NKAIN2: variants seen among roughly 807,000 people sequenced by gnomAD.
NKAIN2 encodes sodium/potassium transporting ATPase interacting 2.
Under a neutral mutation model 32.6 loss-of-function variants are expected in NKAIN2, and 14 were observed. The observed-to-expected ratio is 0.43, with a 90% CI of 0.28 to 0.67. NKAIN2 has a LOEUF of 0.67. NKAIN2 is among the 30% of genes least tolerant of loss of function. The pLI is 0.17. For missense variants in NKAIN2, 198 were observed against 258.3 expected, an observed-to-expected ratio of 0.77 and a Z score of 1.60; for synonymous variants, 80 against 87.2, an observed-to-expected ratio of 0.92 and a Z score of 0.46.
intron 1 of NKAIN2, among the ~76,000 whole-genome samples, chr6:124,142,300 T>A (rs1433130215): frequency 6.6e-6 from 1 of 152,190 alleles, no homozygotes; most frequent in East Asian, 1.9e-4. Flanking sequence ...TGAATTCCTT[T>A]CGACTCCACA....
intron 1 of NKAIN2, among the ~76,000 whole-genome samples, chr6:124,077,231 G>A (rs758700253): frequency 1.1e-4 from 16 of 152,308 alleles, no homozygotes; most frequent in Non-Finnish European, 1.5e-4. Context: ...AAGCATGCAC[G>A]TGAACCACTC....
At chr6:124,276,611 G>A (rs1012461939) in intron 1 of NKAIN2, among the ~76,000 whole-genome samples, 1 of 151,910 alleles carries the variant, frequency 6.6e-6, no homozygotes, top group Non-Finnish European at 1.5e-5. Flanking sequence ...TGTCCACTAC[G>A]AACAACACAG....
At chr6:124,029,105 G>A (rs1016826990) in intron 1 of NKAIN2, among the ~76,000 whole-genome samples, 2 of 151,004 alleles carry the variant, frequency 1.3e-5, no homozygotes, top group Admixed American at 6.6e-5. Flanking sequence ...TAATTTGAAC[G>A]TAAGTGCTAA....
At chr6:124,662,739 T>C (rs758668148) in intron 4 of NKAIN2, among the ~76,000 whole-genome samples, 2 of 152,198 alleles carry the variant, frequency 1.3e-5, no homozygotes, top group East Asian at 1.9e-4. Context: ...GAATGGCACA[T>C]GGGTGTTTCT....
chr6:124,501,594 C>A (rs765220060), intron 3 of NKAIN2, among the ~76,000 whole-genome samples: 1 of 152,158 alleles, frequency 6.6e-6, no homozygotes, highest in Non-Finnish European at 1.5e-5. Context: ...TTCTACACTG[C>A]AGTTAGAGTT....
chr6:124,256,498 C>T (rs991019579), intron 1 of NKAIN2, among the ~76,000 whole-genome samples: 3 of 151,944 alleles, frequency 2.0e-5, no homozygotes, highest in Non-Finnish European at 4.4e-5. Context: ...AATGCCATTA[C>T]CAGAAATAAA....
At chr6:124,328,679 A>T (rs1452458129) in intron 2 of NKAIN2, among the ~76,000 whole-genome samples, 1 of 152,204 alleles carries the variant, frequency 6.6e-6, no homozygotes, top group Non-Finnish European at 1.5e-5. Flanking sequence ...CCTTTCATAT[A>T]TGCCCAAAAC....
chr6:124,191,001 T>C (rs538712145), intron 1 of NKAIN2, among the ~76,000 whole-genome samples: 93 of 152,324 alleles, frequency 6.1e-4, no homozygotes, highest in African/African-American at 1.9e-3. Flanking sequence ...CTACAATTGA[T>C]GAGCTGATAT....
chr6:124,009,164 C>G (rs1276111603), intron 1 of NKAIN2, among the ~76,000 whole-genome samples: 1 of 152,064 alleles, frequency 6.6e-6, no homozygotes, highest in Non-Finnish European at 1.5e-5. Context: ...ATTTGAGGAG[C>G]CTGTTCCTCA....
intron 1 of NKAIN2, among the ~76,000 whole-genome samples, chr6:124,154,710 C>G (rs1222828253): frequency 4.6e-5 from 7 of 151,928 alleles, no homozygotes; most frequent in Non-Finnish European, 1.5e-5. Flanking sequence ...GTATACGGAG[C>G]ACCACTGAAT....
intron 1 of NKAIN2, among the ~76,000 whole-genome samples, chr6:124,089,067 A>G (rs891877570): frequency 4.6e-5 from 7 of 152,008 alleles, no homozygotes; most frequent in Non-Finnish European, 1.0e-4. Context: ...GAAGTTAACT[A>G]ATATATAAAA....
At chr6:124,215,028 A>G (rs1791394144) in intron 1 of NKAIN2, among the ~76,000 whole-genome samples, 1 of 152,184 alleles carries the variant, frequency 6.6e-6, no homozygotes, top group African/African-American at 2.4e-5. Context: ...ACAAACTCAC[A>G]GAAAAGAGAA....
intron 1 of NKAIN2, among the ~76,000 whole-genome samples, chr6:123,961,408 A>G (rs1267994): frequency 0.33 from 49,872 of 152,110 alleles, 8,183 homozygotes; most frequent in South Asian, 0.4. Flanking sequence ...GAACAATCAA[A>G]GCACAATTGC....
intron 5 of NKAIN2, among the ~76,000 whole-genome samples, chr6:124,806,756 G>C (rs1380117938): frequency 6.6e-6 from 1 of 151,382 alleles, no homozygotes; most frequent in Non-Finnish European, 1.5e-5. Context: ...TTCACATGCA[G>C]AGACACACAT....
At chr6:123,858,873 A>C (rs6932634) in intron 1 of NKAIN2, among the ~76,000 whole-genome samples, 101,394 of 151,966 alleles carry the variant, frequency 0.67, 33,847 homozygotes, top group East Asian at 0.75. Context: ...ATGGGAATGG[A>C]TCTGAGGACA....
chr6:124,217,845 A>G (rs1163124370), intron 1 of NKAIN2, among the ~76,000 whole-genome samples: 3 of 152,122 alleles, frequency 2.0e-5, no homozygotes, highest in Non-Finnish European at 4.4e-5. Flanking sequence ...ATATAGATAT[A>G]TACACACACA....
intron 3 of NKAIN2, among the ~76,000 whole-genome samples, chr6:124,546,784 T>G (rs1406127662): frequency 1.3e-5 from 2 of 152,154 alleles, no homozygotes; most frequent in African/African-American, 4.8e-5. Context: ...TTTAGAGAAG[T>G]AATGCTTTTG....
chr6:124,421,580 C>CT (rs200572787), intron 3 of NKAIN2, among the ~76,000 whole-genome samples: 1,567 of 152,074 alleles, frequency 0.01, 17 homozygotes, highest in African/African-American at 0.034. Context: ...CTATTACTAT[C>CT]TTTTTTTTGT....
chr6:124,612,313 T>C (rs944687731), intron 3 of NKAIN2, among the ~76,000 whole-genome samples: 1 of 152,086 alleles, frequency 6.6e-6, no homozygotes, highest in Non-Finnish European at 1.5e-5. Context: ...AATAAAAACA[T>C]AAAGCCTCCT....
Sources: gnomAD v4.1 joint callset for allele counts (sites outside exome capture counted in the v4.1 genomes callset) on GRCh38, gnomAD v4.1.1 for gene constraint, MANE v1.5 for transcripts, NCBI Gene and HGNC (gene_info 2026-07-23, HGNC 2026-07-21) for gene names.